CACNA2D2: variants seen among roughly 807,000 people sequenced by gnomAD.
CACNA2D2 encodes voltage-dependent calcium channel subunit alpha-2/delta-2.
A neutral mutation model predicts 166.4 loss-of-function variants in CACNA2D2; 48 were observed. The ratio of observed to expected loss-of-function variants is 0.29; its 90% CI spans 0.23 to 0.37. The LOEUF (loss-of-function observed/expected upper bound fraction) is 0.37. Among genes scored for constraint, CACNA2D2 ranks in the 10% least tolerant of loss-of-function variants. The pLI, the probability that CACNA2D2 is intolerant of heterozygous loss-of-function variation, is 1.00. For missense variants in CACNA2D2, 1,122 were observed against 1,433.0 expected, an observed-to-expected ratio of 0.78 and a Z score of 3.50; for synonymous variants, 561 against 573.7, an observed-to-expected ratio of 0.98 and a Z score of 0.32.
intron 2 of CACNA2D2, among the ~76,000 whole-genome samples, chr3:50,473,309 G>A (rs1264240732): frequency 1.3e-5 from 2 of 152,222 alleles, no homozygotes; most frequent in African/African-American, 4.8e-5. Context: ...ATCCCCAAAC[G>A]CTACTGTCTG....
At position 50,379,958 on chromosome 3, in the gene CACNA2D2, G is replaced by C; in HGVS notation, c.893+10C>G. On this transcript the variant is annotated intron_variant, in intron 9 of 37. Transcript: ENST00000424201. The surrounding 1 kb of genome is among the most constrained non-coding windows in gnomAD (Gnocchi z 6.5). Reference sequence around the variant, plus strand: ...TGCCCCAGCCCCACTTGCCAGCACTGCTCACTCACACATCCACGATGATGA... The same window carrying C: ...TGCCCCAGCCCCACTTGCCAGCACTCCTCACTCACACATCCACGATGATGA... 1 of 1,613,994 alleles carries C rather than the reference G, an allele frequency of 6.2e-7. No individual in the cohort carries two copies. Among genetic ancestry groups the C allele is most frequent in the Non-Finnish European group, 8.5e-7 (1 of 1,180,012 alleles).
intron 3 of CACNA2D2, among the ~76,000 whole-genome samples, chr3:50,429,031 A>G (rs61413553): frequency 0.088 from 13,347 of 152,042 alleles, 1,773 homozygotes; most frequent in African/African-American, 0.29. Context: ...GGAGTTCGAG[A>G]CCAGCCTGCG....
chr3:50,365,694 G>A lies in CACNA2D2; in HGVS notation c.2916-6C>T. On this transcript the variant is annotated splice_polypyrimidine_tract_variant and splice_region_variant and intron_variant, in intron 33 of 37. Coordinates refer to ENST00000424201, the MANE Select transcript of CACNA2D2 (RefSeq NM_006030.4). The surrounding 1 kb of genome is among the most constrained non-coding windows in gnomAD (Gnocchi z 4.5). The stretch of plus-strand genomic sequence containing the variant: ...GAAGCTGCTGGAACAGGGACCTGCA[G>A]CGCACGGGGAGCCGAGTGCAGGTGG... 6.3e-7 allele frequency: 1 copy of A among 1,590,692 alleles called. No homozygotes were observed. The highest frequency in any genetic ancestry group is 8.6e-7 in the Non-Finnish European group (1 of 1,168,992).
chr3:50,369,071 T>C (rs1417897695), intron 23 of CACNA2D2, among the ~76,000 whole-genome samples: 2 of 152,210 alleles, frequency 1.3e-5, no homozygotes, highest in African/African-American at 4.8e-5. Context: ...TAAGGGCACA[T>C]GGAACTGGGT....
intron 1 of CACNA2D2, among the ~76,000 whole-genome samples, chr3:50,495,453 G>T (rs769675546): frequency 2.0e-5 from 3 of 152,224 alleles, no homozygotes; most frequent in Non-Finnish European, 4.4e-5. Context: ...GGTCCACACA[G>T]CTACTGGGGC....
intron 1 of CACNA2D2, among the ~76,000 whole-genome samples, chr3:50,500,698 C>T (rs1698926869): frequency 6.6e-6 from 1 of 152,056 alleles, no homozygotes; most frequent in South Asian, 2.1e-4. Context: ...ATGTAGCCTC[C>T]TCCTTGTTTG....
intron 14 of CACNA2D2, 63 bp from the exon 15 acceptor site, chr3:50,378,160 G>T: frequency 1.3e-6 from 2 of 1,578,632 alleles, no homozygotes; most frequent in Non-Finnish European, 1.7e-6. Context: ...GTTCTGTCTC[G>T]CCAGGCATTG....
chr3:50,489,371 C>T (rs866478234), intron 1 of CACNA2D2, among the ~76,000 whole-genome samples: 10 of 152,226 alleles, frequency 6.6e-5, no homozygotes, highest in African/African-American at 1.9e-4. Flanking sequence ...TACTTCCCCC[C>T]GCGCTGGCTC....
rs1704050388 is a variant in CACNA2D2, at chr3:50,363,644, G to C, written c.*1022C>G. On this transcript the variant is annotated 3_prime_UTR_variant, in exon 38 of 38. Coordinates refer to ENST00000424201, the MANE Select transcript of CACNA2D2 (RefSeq NM_006030.4). ...GGAGAGACAAAGTCACCCCTGCTAA[G>C]GCAAAGGGTGATGTCTGGTGGGGGT... 1 of 190,526 alleles carries C rather than the reference G, an allele frequency of 5.2e-6. No homozygotes were observed. The highest frequency in any genetic ancestry group is 1.1e-5 in the Non-Finnish European group (1 of 94,232). 11.8% of individuals were successfully genotyped at this position (190,526 alleles called of 1,614,324 possible).
chr3:50,380,342 G>A lies in CACNA2D2; in HGVS notation c.843-324C>T, dbSNP rs1432641519. Among the ~76,000 whole-genome samples, 1 of 152,204 alleles carries A rather than the reference G, an allele frequency of 6.6e-6. No individual in the cohort carries two copies. The highest frequency in any genetic ancestry group is 1.5e-5 in the Non-Finnish European group (1 of 68,042). On this transcript the variant is annotated intron_variant, in intron 8 of 37. Transcript: ENST00000424201. This position sits in a 1 kb window ranked among gnomAD's most constrained non-coding sequence, Gnocchi z 4.9. ...GTTGGGGCCCCGAGGGCACAGTCTA[G>A]CTGTGTATGGGATGGTGCAGGTGGC...
At position 50,367,701 on chromosome 3, in the gene CACNA2D2, G is replaced by C; in HGVS notation, c.2238C>G (p.Tyr746Ter). Residue 746 changes from tyrosine to a stop codon, truncating the protein, a stop_gained, in exon 26 of 38, where the codon TAC becomes TAG. Coordinates refer to ENST00000424201, the MANE Select transcript of CACNA2D2 (RefSeq NM_006030.4). LOFTEE classifies it high-confidence loss of function. The surrounding 1 kb of genome is among the most constrained non-coding windows in gnomAD (Gnocchi z 6.5). ...RVWRDQDLNT[Y>*]SLLAVFAATD... Reference sequence around the variant, plus strand: ...TGGCAGCGAACACGGCCAGTAGGCTGTACCTGGGGGTAGCAGGGGGGTGGG... The same window carrying C: ...TGGCAGCGAACACGGCCAGTAGGCTCTACCTGGGGGTAGCAGGGGGGTGGG... 1 of 1,612,614 alleles carries C rather than the reference G, an allele frequency of 6.2e-7. No homozygotes were observed. Among genetic ancestry groups the C allele is most frequent in the Non-Finnish European group, 8.5e-7 (1 of 1,179,172 alleles).
At chr3:50,382,334 A>G (rs587640386) in intron 6 of CACNA2D2, among the ~76,000 whole-genome samples, 3 of 152,260 alleles carry the variant, frequency 2.0e-5, no homozygotes, top group Non-Finnish European at 4.4e-5. Context: ...ATCTACCTCA[A>G]GTGAGCACCA....
intron 3 of CACNA2D2, among the ~76,000 whole-genome samples, chr3:50,424,312 G>A (rs1007157189): frequency 1.3e-5 from 2 of 152,166 alleles, no homozygotes; most frequent in African/African-American, 4.8e-5. Flanking sequence ...TGTGGTCCCT[G>A]GATGGGGTCT....
rs953797897 is a variant in CACNA2D2 at position 50,441,620 on chromosome 3, A to T, written c.289-7191T>A. On this transcript the variant is annotated intron_variant, in intron 2 of 37. Coordinates refer to ENST00000424201, the MANE Select transcript of CACNA2D2 (RefSeq NM_006030.4). ...CCCCAGGCAAGGCACCACCCACCAG[A>T]GACACTGGGCATGGCCCATTCCTGG... Among the ~76,000 whole-genome samples, 7 of 152,394 alleles carry T rather than the reference A, an allele frequency of 4.6e-5. No homozygotes were observed. The South Asian group carries it at 1.4e-3, about 32-fold the overall frequency.
rs146157916 is a variant in CACNA2D2 at position 50,463,974 on chromosome 3, C to T, written c.288+12144G>A. 2.8e-3 allele frequency among the ~76,000 whole-genome samples: 427 copies of T among 152,354 alleles called. 2 individuals are homozygous for T. Among genetic ancestry groups the T allele is most frequent in the Non-Finnish European group, 3.8e-3 (260 of 68,040 alleles). On this transcript the variant is annotated intron_variant, in intron 2 of 37. Transcript: ENST00000424201. ...GAAGGGGAGATGCTGAATCCAGACG[C>T]CCTGGGTGGGCTCGGTTGCCTCTGC...
chr3:50,435,371 G>T (rs887710597), intron 2 of CACNA2D2, among the ~76,000 whole-genome samples: 2 of 151,842 alleles, frequency 1.3e-5, no homozygotes, highest in Non-Finnish European at 2.9e-5. Flanking sequence ...AGCCTGACTG[G>T]GTCCATGTGT....
At chr3:50,482,022 A>G (rs1029368974) in intron 1 of CACNA2D2, among the ~76,000 whole-genome samples, 11 of 152,178 alleles carry the variant, frequency 7.2e-5, no homozygotes, top group African/African-American at 2.7e-4. Flanking sequence ...TATAAAATAT[A>G]AAGTGCTACT....
rs1431264336 is a variant in CACNA2D2, at chr3:50,375,836, G to C, written c.1818C>G (p.Ile606Met). The C allele has an allele frequency of 1.2e-6, 2 of 1,612,936 alleles. No homozygotes were observed. The highest frequency in any genetic ancestry group is 2.2e-5 in the East Asian group (1 of 44,898). ...MIDGNKGHKQIRTLVKSLDER... is the reference protein window; with the variant it reads ...MIDGNKGHKQMRTLVKSLDER... ...CATCCAGGGACTTGACCAACGTTCT[G>C]ATCTGCTTGTGGCCCTTGTTGCCAT... The change falls in exon 20 of 38, where the codon ATC becomes ATG. Residue 606 changes from isoleucine to methionine, a missense_variant. This residue lies in a region of CACNA2D2 where 840 missense variants were observed against 1,166.8 expected (regional missense o/e 0.72). Coordinates refer to ENST00000424201, the MANE Select transcript of CACNA2D2 (RefSeq NM_006030.4). This position sits in a 1 kb window ranked among gnomAD's most constrained non-coding sequence, Gnocchi z 4.0.
chr3:50,378,764 A>G, intron 13 of CACNA2D2, 151 bp downstream of exon 13: 1 of 885,736 alleles, frequency 1.1e-6, no homozygotes, highest in Non-Finnish European at 1.8e-6. Flanking sequence ...GCCCCCAGAT[A>G]GAGTGAGGGA....
Sources: gnomAD v4.1 joint callset for allele counts (sites outside exome capture counted in the v4.1 genomes callset) on GRCh38, gnomAD v4.1.1 for gene constraint, gnomAD v4.1.1 regional missense constraint, Gnocchi (gnomAD v3.1) non-coding constraint, MANE v1.5 for transcripts, NCBI Gene and HGNC (gene_info 2026-07-23, HGNC 2026-07-21) for gene names.